ZNF638: variants seen among roughly 807,000 people sequenced by gnomAD.
The protein encoded by ZNF638 is zinc finger protein 638.
In ZNF638, 46 loss-of-function variants were observed where a neutral mutation model predicts 195.6. The observed-to-expected ratio is 0.24, with a 90% CI of 0.19 to 0.30. The LOEUF (loss-of-function observed/expected upper bound fraction) is 0.30, where lower values mean the gene tolerates loss of function less well. ZNF638 is among the 10% of genes least tolerant of loss of function. The probability of loss-of-function intolerance (pLI) is 1.00; values close to 1 mark genes in which losing one functional copy is unlikely to be tolerated. For missense variants in ZNF638, 2,440 were observed against 2,325.3 expected (o/e 1.05, Z -1.01); for synonymous variants, 845 against 772.0 (o/e 1.09, Z -1.57).
chr2:71,430,336 A>G (rs2152608724), intron 25 of ZNF638, among the ~76,000 whole-genome samples: 1 of 152,322 alleles, frequency 6.6e-6, no homozygotes, highest in African/African-American at 2.4e-5. Flanking sequence ...GAGGCAAGGA[A>G]ACCAGATTGT....
In ZNF638 at chr2:71,424,567, T is replaced by TG. The variant is rs2080498175; in HGVS notation, c.4525-83_4525-82insG. On this transcript the variant is annotated intron_variant, in intron 22 of 27. Transcript: ENST00000264447. ...TATTTGGGTAATGTTTACTGTTTTT[T>TG]TTTGTTTTTTGTTTTTTTTTCCAGA... 3.5e-6 allele frequency: 4 copies of TG among 1,133,368 alleles called. No homozygotes were observed. In the East Asian group the frequency reaches 9.5e-5, roughly 27 times the overall value. The allele number at this position is 1,133,368 out of a possible 1,614,324, so 70.2% of individuals were successfully genotyped here.
At chr2:71,342,783 G>A (rs1312933476) in intron 1 of ZNF638, among the ~76,000 whole-genome samples, 1 of 152,106 alleles carries the variant, frequency 6.6e-6, no homozygotes, top group Admixed American at 6.5e-5. Context: ...ATGGCATAAG[G>A]GATGTTGGTT....
intron 3 of ZNF638, among the ~76,000 whole-genome samples, chr2:71,358,241 C>G (rs1031914920): frequency 5.3e-4 from 81 of 152,184 alleles, no homozygotes; most frequent in African/African-American, 1.9e-3. Flanking sequence ...ATGATTTCAT[C>G]TCAAGAATTT....
At position 71,357,207 on chromosome 2, in the gene ZNF638, T is replaced by C. The variant is rs112796750; in HGVS notation, c.1379+1427T>C. On this transcript the variant is annotated intron_variant, in intron 3 of 27. Transcript: ENST00000264447. ...AAGTCCTTGTTTTGACTCTTTTGGT[T>C]CAATTTTGGTTAGTTGTCCATCCCT... Among the ~76,000 whole-genome samples, 943 of 152,276 alleles carry C rather than the reference T, an allele frequency of 6.2e-3. 9 individuals are homozygous for C. The highest frequency in any genetic ancestry group is 0.021 in the African/African-American group (882 of 41,548).
At position 71,401,281 on chromosome 2, in the gene ZNF638, A is replaced by G. The variant is rs150315725; in HGVS notation, c.2698-675A>G. Among the ~76,000 whole-genome samples, 94 of 152,258 alleles carry G rather than the reference A, an allele frequency of 6.2e-4. 1 individual carries two copies. Among genetic ancestry groups the G allele is most frequent in the South Asian group, 1.7e-3 (8 of 4,816 alleles). On this transcript the variant is annotated intron_variant, in intron 15 of 27. Coordinates refer to ENST00000264447, the MANE Select transcript of ZNF638 (RefSeq NM_014497.5). ...TTTTCCCAGTAAGCATGAAAGGAGT[A>G]ATTGGCATTGATGAGAGAGTTACCT...
At chr2:71,408,519 A>T in intron 20 of ZNF638, 1 of 347,340 alleles carries the variant, frequency 2.9e-6, no homozygotes, top group South Asian at 3.3e-5. Context: ...GACTCTTTGT[A>T]TGTAACATGA....
At chr2:71,339,595 T>C (rs777329894) in intron 1 of ZNF638, among the ~76,000 whole-genome samples, 14 of 152,232 alleles carry the variant, frequency 9.2e-5, no homozygotes, top group Non-Finnish European at 1.6e-4. Flanking sequence ...CAATTGGGAC[T>C]GGATATTGAA....
intron 10 of ZNF638, among the ~76,000 whole-genome samples, chr2:71,392,470 T>G (rs911254355): frequency 1.3e-5 from 2 of 152,052 alleles, no homozygotes; most frequent in Admixed American, 6.5e-5. Flanking sequence ...TCTGTTTGTT[T>G]GTTGCAAAAC....
At chr2:71,332,662 G>A (rs2078593638) in intron 1 of ZNF638, among the ~76,000 whole-genome samples, 1 of 152,176 alleles carries the variant, frequency 6.6e-6, no homozygotes, top group Non-Finnish European at 1.5e-5. Context: ...AAGGAAGGGG[G>A]AATGTATATA....
chr2:71,350,100 G>T lies in ZNF638; in HGVS notation c.1146G>T (p.Arg382=), dbSNP rs1333704078. ...NYQSQADIPI[R]SPFGIVKASW... is the part of the protein sequence containing the mutation. ...AGTCACAGGCTGACATTCCCATTCG[G>T]TCTCCCTTTGGTATTGTGAAAGCAT... Residue 382 remains arginine (R), a synonymous_variant, in exon 2 of 28, where the codon CGG becomes CGT. Coordinates refer to ENST00000264447, the MANE Select transcript of ZNF638 (RefSeq NM_014497.5). 20 of 1,614,096 alleles carry T rather than the reference G, an allele frequency of 1.2e-5. No individual in the cohort carries two copies. The highest frequency in any genetic ancestry group is 1.7e-5 in the Non-Finnish European group (20 of 1,180,024).
At chr2:71,391,560 T>G (rs1223672711) in intron 10 of ZNF638, among the ~76,000 whole-genome samples, 1 of 152,228 alleles carries the variant, frequency 6.6e-6, no homozygotes, top group Non-Finnish European at 1.5e-5. Context: ...CCTCTGTCGT[T>G]AAGATGTTAA....
At chr2:71,408,048 T>C in intron 19 of ZNF638, 74 bp from the exon 20 acceptor site, 1 of 1,417,456 alleles carries the variant, frequency 7.1e-7, no homozygotes, top group Non-Finnish European at 9.6e-7. Flanking sequence ...AAAAGTGGAA[T>C]TGTTGGATTA....
intron 10 of ZNF638, among the ~76,000 whole-genome samples, chr2:71,384,114 A>C (rs527806568): frequency 1.3e-5 from 2 of 152,172 alleles, no homozygotes; most frequent in African/African-American, 4.8e-5. Context: ...CTTTTCAGCC[A>C]ATCAGTGGCG....
chr2:71,405,770 A>G (rs2080093766), intron 18 of ZNF638, 128 bp downstream of exon 18: 1 of 707,668 alleles, frequency 1.4e-6, no homozygotes, highest in Admixed American at 3.3e-5. Flanking sequence ...GAGATGTCAG[A>G]TGGGTCTTCT....
At chr2:71,355,826 T>C (rs972790306) in intron 3 of ZNF638, 46 bp downstream of exon 3, 4 of 1,195,542 alleles carry the variant, frequency 3.3e-6, no homozygotes, top group Non-Finnish European at 1.2e-6. Flanking sequence ...ATTTACAAAA[T>C]AGTTAATGTT....
chr2:71,349,014 T>A lies in ZNF638; in HGVS notation c.60T>A (p.Pro20=). 1 of 1,614,176 alleles carries A rather than the reference T, an allele frequency of 6.2e-7. No homozygotes were observed. ...TTCCACTTCAAAGGCCACGAGCACC[T>A]AACCCTTCTGGGATGAGGCCTCCAG... ...GDFPLQRPRA[P]NPSGMRPPGP... is the part of the protein sequence containing the mutation. Residue 20 remains proline (P), a synonymous_variant, in exon 2 of 28, where the codon CCT becomes CCA. Transcript: ENST00000264447.
rs189048044 is a variant in ZNF638, at chr2:71,355,468, C to T, written c.1318-251C>T. ...ATATTGATTTCAAAATGAGCATCCA[C>T]GGGTATGATTTTGAAAATGTTTTCT... On this transcript the variant is annotated intron_variant, in intron 2 of 27. Transcript: ENST00000264447. Among the ~76,000 whole-genome samples, 441 of 152,148 alleles carry T rather than the reference C, an allele frequency of 2.9e-3. 8 individuals are homozygous for T. Among genetic ancestry groups the T allele is most frequent in the Non-Finnish European group, 6.5e-4 (44 of 68,004 alleles).
At chr2:71,391,983 A>G (rs1480958659) in intron 10 of ZNF638, among the ~76,000 whole-genome samples, 3 of 152,208 alleles carry the variant, frequency 2.0e-5, no homozygotes, top group Non-Finnish European at 4.4e-5. Flanking sequence ...GCTTCCTAGA[A>G]TGTGTTTTTT....
intron 1 of ZNF638, among the ~76,000 whole-genome samples, chr2:71,334,015 T>C (rs1167531093): frequency 6.6e-6 from 1 of 152,236 alleles, no homozygotes; most frequent in Non-Finnish European, 1.5e-5. Context: ...TGAAAGGCCC[T>C]CTAATCTAAC....
Sources: gnomAD v4.1 joint callset for allele counts (sites outside exome capture counted in the v4.1 genomes callset) on GRCh38, gnomAD v4.1.1 for gene constraint, MANE v1.5 for transcripts, NCBI Gene and HGNC (gene_info 2026-07-23, HGNC 2026-07-21) for gene names.